Variants in GFRA2 observed in about 807,000 individuals in gnomAD.
GFRA2 encodes GDNF family receptor alpha 2, also known as GDNF family receptor alpha-2.
GFRA2 carries 17 observed loss-of-function variants against 48.3 expected under a neutral mutation model. The observed-to-expected ratio is 0.35, with a 90% CI of 0.24 to 0.53. GFRA2 has a LOEUF of 0.53. Ranked by LOEUF, GFRA2 falls within the 20% of genes least tolerant of loss-of-function variation. GFRA2 has a pLI of 0.93. For missense variants in GFRA2, 660 were observed against 637.3 expected, an observed-to-expected ratio of 1.04 and a Z score of -0.38; for synonymous variants, 305 against 257.2, an observed-to-expected ratio of 1.19 and a Z score of -1.78.
At chr8:21,787,227 G>A (rs1807318656) in intron 1 of GFRA2, among the ~76,000 whole-genome samples, 1 of 146,278 alleles carries the variant, frequency 6.8e-6, no homozygotes, top group Admixed American at 6.9e-5. Flanking sequence ...GGGCTCAGTG[G>A]CGCCAGGCAG....
chr8:21,760,000 CACAAAA>C (rs1443500499), intron 3 of GFRA2, among the ~76,000 whole-genome samples: 1 of 151,506 alleles, frequency 6.6e-6, no homozygotes, highest in Non-Finnish European at 1.5e-5. Flanking sequence ...GGACCACACA[CACAAAA>C]ACAAAAACAA....
At chr8:21,810,381 C>T (rs1339086028) in intron 1 of GFRA2, among the ~76,000 whole-genome samples, 3 of 152,180 alleles carry the variant, frequency 2.0e-5, no homozygotes, top group Admixed American at 1.3e-4. Flanking sequence ...GACCTGGAGC[C>T]ATAGCCCCAC....
At chr8:21,752,151 A>AT (rs1236608939) in intron 3 of GFRA2, among the ~76,000 whole-genome samples, 11 of 151,716 alleles carry the variant, frequency 7.3e-5, no homozygotes, top group African/African-American at 2.7e-4. Flanking sequence ...GACCATTCCC[A>AT]TCAGCTATTA....
At chr8:21,724,857 C>T (rs1371587126) in intron 4 of GFRA2, among the ~76,000 whole-genome samples, 1 of 152,164 alleles carries the variant, frequency 6.6e-6, no homozygotes, top group Non-Finnish European at 1.5e-5. Flanking sequence ...ATACAGAGTC[C>T]TTGATGGTGG....
At chr8:21,776,283 T>A (rs1278716384) in intron 2 of GFRA2, among the ~76,000 whole-genome samples, 1 of 151,846 alleles carries the variant, frequency 6.6e-6, no homozygotes, top group Non-Finnish European at 1.5e-5. Flanking sequence ...GGCTGCCTGT[T>A]ATTTCCGGCA....
intron 4 of GFRA2, among the ~76,000 whole-genome samples, chr8:21,742,713 C>A (rs756148708): frequency 6.6e-6 from 1 of 152,188 alleles, no homozygotes; most frequent in African/African-American, 2.4e-5. Context: ...ACAAACTATG[C>A]TGGCTTGCAT....
At chr8:21,807,547 C>T (rs927466292) in intron 1 of GFRA2, among the ~76,000 whole-genome samples, 24 of 152,186 alleles carry the variant, frequency 1.6e-4, no homozygotes, top group African/African-American at 5.5e-4. Flanking sequence ...CATATATTCT[C>T]ACAGTTCTGG....
At chr8:21,712,691 C>T (rs1454855713) in intron 4 of GFRA2, among the ~76,000 whole-genome samples, 7 of 152,238 alleles carry the variant, frequency 4.6e-5, no homozygotes, top group East Asian at 1.9e-4. Flanking sequence ...GCCGAGATCA[C>T]GCCACTGCAC....
At chr8:21,715,875 G>A (rs912820730) in intron 4 of GFRA2, among the ~76,000 whole-genome samples, 1 of 152,202 alleles carries the variant, frequency 6.6e-6, no homozygotes, top group Non-Finnish European at 1.5e-5. Flanking sequence ...TACAAGAAAA[G>A]CAAGGGAGAG....
chr8:21,705,114 T>A lies in GFRA2; in HGVS notation c.916A>T (p.Thr306Ser), dbSNP rs1423790369. The change falls in exon 6 of 9, where the codon ACA becomes TCA. Residue 306 changes from threonine (T) to serine (S), a missense_variant. Physicochemically the swap from Thr to Ser is moderately conservative, Grantham distance 58 (BLOSUM62 1). Coordinates refer to ENST00000524240, the MANE Select transcript of GFRA2 (RefSeq NM_001495.5). ...GGGCTGGAGTCCACATAGTTAGGTG[T>A]CATGTCAAACCCTGGGCAGGAAGAA... ...SYAGMIGFDMTPNYVDSSPTG... is the reference protein window; with the variant it reads ...SYAGMIGFDMSPNYVDSSPTG... The A allele has an allele frequency of 6.2e-7, 1 of 1,610,112 alleles. No homozygotes were observed. Among genetic ancestry groups the A allele is most frequent in the Non-Finnish European group, 8.5e-7 (1 of 1,178,860 alleles).
chr8:21,740,028 C>T (rs1304208271), intron 4 of GFRA2, among the ~76,000 whole-genome samples: 1 of 152,172 alleles, frequency 6.6e-6, no homozygotes, highest in Non-Finnish European at 1.5e-5. Context: ...GCGGGTGGGA[C>T]ATTCTAGGGT....
At chr8:21,710,768 G>A (rs570258712) in intron 4 of GFRA2, among the ~76,000 whole-genome samples, 2 of 152,318 alleles carry the variant, frequency 1.3e-5, no homozygotes, top group South Asian at 2.1e-4. Flanking sequence ...GCCTGAGCCC[G>A]GCAGACAGCA....
At chr8:21,763,114 C>A (rs933761601) in intron 3 of GFRA2, among the ~76,000 whole-genome samples, 1 of 152,114 alleles carries the variant, frequency 6.6e-6, no homozygotes, top group African/African-American at 2.4e-5. Flanking sequence ...CTGAATATAT[C>A]TTAAAATATA....
At chr8:21,700,008 AG>A (rs1230686908) in intron 7 of GFRA2, among the ~76,000 whole-genome samples, 1 of 152,210 alleles carries the variant, frequency 6.6e-6, no homozygotes, top group Non-Finnish European at 1.5e-5. Flanking sequence ...AGCAGGCGGA[AG>A]GCAACCTGGT....
At chr8:21,694,043 A>ATATATT (rs1802019696) in intron 8 of GFRA2, among the ~76,000 whole-genome samples, 2 of 58,646 alleles carry the variant, frequency 3.4e-5, no homozygotes, top group African/African-American at 7.0e-5. Context: ...TATATATGAG[A>ATATATT]TATATATATA....
intron 4 of GFRA2, among the ~76,000 whole-genome samples, chr8:21,713,653 G>T (rs574531593): frequency 6.6e-6 from 1 of 152,094 alleles, no homozygotes; most frequent in Non-Finnish European, 1.5e-5. Context: ...GTGGTCCGCA[G>T]ACCAAAAGCA....
intron 4 of GFRA2, among the ~76,000 whole-genome samples, chr8:21,742,313 GA>G (rs1804786195): frequency 6.6e-6 from 1 of 152,130 alleles, no homozygotes. Context: ...AAGAGGAACA[GA>G]CAACAGATTG....
intron 4 of GFRA2, among the ~76,000 whole-genome samples, chr8:21,729,880 G>C (rs571665207): frequency 6.6e-6 from 1 of 152,276 alleles, no homozygotes; most frequent in South Asian, 2.1e-4. Context: ...CTGTTTCTGG[G>C]CCTAAGAAGC....
chr8:21,785,190 A>T (rs1807208858), intron 1 of GFRA2, among the ~76,000 whole-genome samples: 1 of 152,154 alleles, frequency 6.6e-6, no homozygotes, highest in African/African-American at 2.4e-5. Flanking sequence ...GGGCATAAGG[A>T]CGCTTTTTTT....
Sources: gnomAD v4.1 joint callset for allele counts (sites outside exome capture counted in the v4.1 genomes callset) on GRCh38, gnomAD v4.1.1 for gene constraint, MANE v1.5 for transcripts, NCBI Gene and HGNC (gene_info 2026-07-23, HGNC 2026-07-21) for gene names.